Variants in SPSB4 observed in about 807,000 individuals in gnomAD.
SPSB4 encodes the protein SPRY domain-containing SOCS box protein 4.
Under a neutral mutation model 20.9 loss-of-function variants are expected in SPSB4, and 21 were observed. The observed-to-expected ratio is 1.01, with a 90% CI of 0.71 to 1.45. The LOEUF (loss-of-function observed/expected upper bound fraction) is 1.45. SPSB4 is among the 40% of genes most tolerant of loss of function. The pLI, the probability that SPSB4 is intolerant of heterozygous loss-of-function variation, is 0.00. For synonymous variants in SPSB4, 207 were observed against 183.8 expected (o/e 1.13, Z -1.02); for missense variants, 399 against 399.2 (o/e 1.00, Z 0.00).
intron 2 of SPSB4, among the ~76,000 whole-genome samples, chr3:141,088,076 C>T (rs1363917298): frequency 6.6e-6 from 1 of 152,050 alleles, no homozygotes; most frequent in Admixed American, 6.5e-5. Flanking sequence ...TGGGGAATGG[C>T]CCAAGGGGGT....
chr3:141,142,050 C>T (rs1939338780), intron 2 of SPSB4, among the ~76,000 whole-genome samples: 1 of 152,046 alleles, frequency 6.6e-6, no homozygotes, highest in South Asian at 2.1e-4. Flanking sequence ...TTTAGTTCTG[C>T]TGTGATCTTT....
chr3:141,089,993 T>TC (rs1428075677), intron 2 of SPSB4, among the ~76,000 whole-genome samples: 1 of 147,954 alleles, frequency 6.8e-6, no homozygotes, highest in Non-Finnish European at 1.5e-5. Context: ...ACTCCCTCCC[T>TC]CCCCCGTCCC....
intron 2 of SPSB4, among the ~76,000 whole-genome samples, chr3:141,109,875 A>C (rs769018216): frequency 2.0e-5 from 3 of 152,182 alleles, no homozygotes; most frequent in Non-Finnish European, 2.9e-5. Flanking sequence ...CCTGTGAGAG[A>C]GCCCAGGTGC....
At chr3:141,085,749 C>T (rs1938326347) in intron 2 of SPSB4, among the ~76,000 whole-genome samples, 1 of 152,208 alleles carries the variant, frequency 6.6e-6, no homozygotes, top group African/African-American at 2.4e-5. Context: ...TGATGCCTCC[C>T]TTTGGTGTGG....
At position 141,066,320 on chromosome 3, in the gene SPSB4, G is replaced by T; in HGVS notation, c.216G>T (p.Arg72=). 1 of 1,572,360 alleles carries T rather than the reference G, an allele frequency of 6.4e-7. No homozygotes were observed. Among genetic ancestry groups the T allele is most frequent in the African/African-American group, 1.4e-5 (1 of 73,706 alleles). The change falls in exon 2 of 3, where the codon CGG becomes CGT. Residue 72 remains arginine, a synonymous_variant. Transcript: ENST00000310546. ...SLNVFVKDDD[R]LTFHRHPVAQ... ...ACGTCTTCGTCAAGGACGACGACCGGCTCACCTTCCACCGGCACCCCGTGG... is the reference window on the plus strand; with the variant it reads ...ACGTCTTCGTCAAGGACGACGACCGTCTCACCTTCCACCGGCACCCCGTGG...
intron 2 of SPSB4, among the ~76,000 whole-genome samples, chr3:141,073,325 G>T (rs924819818): frequency 1.8e-4 from 28 of 152,228 alleles, no homozygotes; most frequent in African/African-American, 6.5e-4. Flanking sequence ...CCTGATGAAG[G>T]CTCGTGAATG....
At chr3:141,055,445 G>T (rs1025017792) in intron 1 of SPSB4, among the ~76,000 whole-genome samples, 1 of 152,134 alleles carries the variant, frequency 6.6e-6, no homozygotes, top group Non-Finnish European at 1.5e-5. Flanking sequence ...AGCCTGGAGG[G>T]CCCCTGGGTG....
At chr3:141,125,864 A>G (rs576118242) in intron 2 of SPSB4, among the ~76,000 whole-genome samples, 1 of 152,344 alleles carries the variant, frequency 6.6e-6, no homozygotes, top group East Asian at 1.9e-4. Context: ...CTATAGAAAT[A>G]TCATTCTCCT....
At chr3:141,061,584 A>G (rs1004290141) in intron 1 of SPSB4, among the ~76,000 whole-genome samples, 1 of 151,922 alleles carries the variant, frequency 6.6e-6, no homozygotes, top group Non-Finnish European at 1.5e-5. Context: ...CTAATGAACC[A>G]GTATTGATAC....
chr3:141,058,688 C>T (rs1209439540), intron 1 of SPSB4, among the ~76,000 whole-genome samples: 1 of 152,096 alleles, frequency 6.6e-6, no homozygotes, highest in Non-Finnish European at 1.5e-5. Flanking sequence ...CCCTTGCTCT[C>T]AGCTGCACAG....
intron 2 of SPSB4, among the ~76,000 whole-genome samples, chr3:141,078,184 TG>T (rs1353702593): frequency 1.3e-5 from 2 of 152,240 alleles, no homozygotes; most frequent in Non-Finnish European, 2.9e-5. Flanking sequence ...ATTCCTCAGC[TG>T]TGGAAGAGCT....
chr3:141,116,044 TG>T (rs1314480368), intron 2 of SPSB4, among the ~76,000 whole-genome samples: 1 of 152,218 alleles, frequency 6.6e-6, no homozygotes, highest in Non-Finnish European at 1.5e-5. Flanking sequence ...ATTAAGCCCC[TG>T]GGGTTTATAC....
At position 141,066,877 on chromosome 3, in the gene SPSB4, C is replaced by T. The variant is rs1937896970; in HGVS notation, c.694+79C>T. On this transcript the variant is annotated intron_variant, in intron 2 of 2. Transcript: ENST00000310546. ...GAAGCTGGGCAGGCCACACCTCCAT[C>T]GCCACTTGGGAGGATCCTGCAATGT... is the stretch of plus-strand genomic sequence containing the variant. The T allele has an allele frequency of 2.2e-6, 3 of 1,376,546 alleles. No individual in the cohort carries two copies. The African/African-American group carries it at 4.4e-5, about 20-fold the overall frequency. 85.3% of individuals were successfully genotyped at this position (1,376,546 alleles called of 1,614,324 possible). A position where few individuals can be genotyped will look rare whatever the true frequency, so the allele number is the denominator to read the frequency against.
chr3:141,135,435 T>C (rs999784682), intron 2 of SPSB4, among the ~76,000 whole-genome samples: 5 of 152,028 alleles, frequency 3.3e-5, no homozygotes, highest in Admixed American at 1.3e-4. Flanking sequence ...CATGTTGGTG[T>C]GCTGCACCCA....
At chr3:141,122,082 C>A (rs915629126) in intron 2 of SPSB4, among the ~76,000 whole-genome samples, 1 of 152,094 alleles carries the variant, frequency 6.6e-6, no homozygotes, top group Non-Finnish European at 1.5e-5. Context: ...ATGTTGGTGA[C>A]CTACAGATGG....
At chr3:141,131,005 G>A (rs1939121572) in intron 2 of SPSB4, among the ~76,000 whole-genome samples, 1 of 152,172 alleles carries the variant, frequency 6.6e-6, no homozygotes, top group African/African-American at 2.4e-5. Context: ...ATGTACTGAG[G>A]CATTTGTAGA....
chr3:141,132,050 A>T, intron 2 of SPSB4: 1 of 184,012 alleles, frequency 5.4e-6, no homozygotes, highest in South Asian at 7.6e-5. Flanking sequence ...GTGGTTTTTG[A>T]TTTCATGGAA....
At chr3:141,126,732 G>A (rs1275935438) in intron 2 of SPSB4, among the ~76,000 whole-genome samples, 1 of 152,174 alleles carries the variant, frequency 6.6e-6, no homozygotes, top group Non-Finnish European at 1.5e-5. Flanking sequence ...ACAGGTCCAC[G>A]AGCTGAGTTT....
At chr3:141,065,160 A>T (rs140805165) in intron 1 of SPSB4, among the ~76,000 whole-genome samples, 1 of 152,072 alleles carries the variant, frequency 6.6e-6, no homozygotes, top group Non-Finnish European at 1.5e-5. Context: ...ACAGTAGGAG[A>T]TGGAGAGAGG....
Sources: gnomAD v4.1 joint callset for allele counts (sites outside exome capture counted in the v4.1 genomes callset) on GRCh38, gnomAD v4.1.1 for gene constraint, MANE v1.5 for transcripts, NCBI Gene and HGNC (gene_info 2026-07-23, HGNC 2026-07-21) for gene names.